Variants in SCAPER observed in about 807,000 individuals in gnomAD.
SCAPER encodes the protein S-phase cyclin A associated protein in the ER, also known as S phase cyclin A-associated protein in the endoplasmic reticulum.
In SCAPER, 98 loss-of-function variants were observed where a neutral mutation model predicts 182.2. The ratio of observed to expected loss-of-function variants is 0.54; its 90% CI spans 0.46 to 0.64. The LOEUF is 0.64. SCAPER is among the 30% of genes least tolerant of loss of function. The probability of loss-of-function intolerance (pLI) is 0.00; values close to 1 mark genes in which losing one functional copy is unlikely to be tolerated. For synonymous variants in SCAPER, 605 were observed against 564.6 expected, an observed-to-expected ratio of 1.07 and a Z score of -1.01; for missense variants, 1,432 against 1,690.0, an observed-to-expected ratio of 0.85 and a Z score of 2.68.
chr15:76,700,022 G>C (rs1015506939), intron 20 of SCAPER, among the ~76,000 whole-genome samples: 1 of 152,196 alleles, frequency 6.6e-6, no homozygotes, highest in African/African-American at 2.4e-5. Context: ...CCGATGGTCA[G>C]GCAGGGTCTC....
At chr15:76,699,964 A>G (rs2058847769) in intron 20 of SCAPER, among the ~76,000 whole-genome samples, 1 of 152,140 alleles carries the variant, frequency 6.6e-6, no homozygotes, top group Non-Finnish European at 1.5e-5. Context: ...TGGTGGGGAG[A>G]GGCTGTGGGT....
intron 29 of SCAPER, among the ~76,000 whole-genome samples, chr15:76,355,525 G>C (rs1411645082): frequency 6.7e-6 from 1 of 149,402 alleles, no homozygotes; most frequent in Non-Finnish European, 1.5e-5. Context: ...AATTTATGAT[G>C]ATATGATTAT....
At chr15:76,775,654 G>GTCAA (rs2063705861) in intron 8 of SCAPER, among the ~76,000 whole-genome samples, 1 of 152,090 alleles carries the variant, frequency 6.6e-6, no homozygotes, top group Admixed American at 6.6e-5. Flanking sequence ...TCCAAAGTCT[G>GTCAA]AGTTCTTTCC....
chr15:76,381,381 AAAAGCAGGCAGATGAAG>A lies in SCAPER; in HGVS notation c.3685_3701del (p.Leu1229SerfsTer30). The stretch of plus-strand genomic sequence containing the variant: ...GATATAAACCAATACTTGGTACCTG[AAAAGCAGGCAGATGAAG>A]AGCTGCAAAGCTGTTGAAGAAACGT... On this transcript the variant is annotated frameshift_variant, in exon 28 of 32. Coordinates refer to ENST00000563290, the MANE Select transcript of SCAPER (RefSeq NM_020843.4). LOFTEE classifies it high-confidence loss of function. 6.2e-7 allele frequency: 1 copy of A among 1,611,982 alleles called. No individual in the cohort carries two copies. The highest frequency in any genetic ancestry group is 8.5e-7 in the Non-Finnish European group (1 of 1,178,770).
At chr15:76,404,294 C>T (rs2957614) in intron 27 of SCAPER, among the ~76,000 whole-genome samples, 98,915 of 151,774 alleles carry the variant, frequency 0.65, 32,469 homozygotes, top group Middle Eastern at 0.71. Flanking sequence ...CTAGCAATGA[C>T]AGTCAAATTT....
At chr15:76,747,673 A>G (rs1203885564) in intron 15 of SCAPER, among the ~76,000 whole-genome samples, 2 of 152,076 alleles carry the variant, frequency 1.3e-5, no homozygotes, top group Admixed American at 1.3e-4. Flanking sequence ...AGTTCCCTCA[A>G]GAGCTGGTTG....
chr15:76,403,369 GAAACACTGAACACAGGCAT>G (rs2044603651), intron 27 of SCAPER, among the ~76,000 whole-genome samples: 1 of 152,180 alleles, frequency 6.6e-6, no homozygotes, highest in African/African-American at 2.4e-5. Flanking sequence ...AGACTAACTT[GAAACACTGAACACAGGCAT>G]GCTTGGCTTC....
intron 20 of SCAPER, among the ~76,000 whole-genome samples, chr15:76,667,430 T>G (rs933337180): frequency 2.0e-5 from 3 of 152,042 alleles, no homozygotes; most frequent in African/African-American, 7.2e-5. Flanking sequence ...ACTCACCTAA[T>G]GCAGTAACTT....
chr15:76,855,786 T>C (rs1403426014), intron 4 of SCAPER: 5 of 367,140 alleles, frequency 1.4e-5, no homozygotes, highest in East Asian at 1.5e-4. Context: ...CTTGGCAAGG[T>C]TGTGGAGATA....
chr15:76,563,332 T>C (rs1052571176), intron 23 of SCAPER, among the ~76,000 whole-genome samples: 1 of 152,094 alleles, frequency 6.6e-6, no homozygotes, highest in East Asian at 1.9e-4. Context: ...GTTTACATAA[T>C]AATAGAAAAT....
intron 24 of SCAPER, among the ~76,000 whole-genome samples, chr15:76,497,349 A>G (rs1473031078): frequency 6.6e-6 from 1 of 152,128 alleles, no homozygotes; most frequent in Non-Finnish European, 1.5e-5. Context: ...GCTGGTCTGT[A>G]GATTGGTTGC....
intron 8 of SCAPER, among the ~76,000 whole-genome samples, chr15:76,790,365 A>T (rs2151443959): frequency 6.6e-6 from 1 of 152,306 alleles, no homozygotes; most frequent in Non-Finnish European, 1.5e-5. Flanking sequence ...TTTCTATAAG[A>T]TTCACGTTAT....
chr15:76,748,304 C>A (rs145566428), intron 15 of SCAPER, among the ~76,000 whole-genome samples: 99 of 152,108 alleles, frequency 6.5e-4, no homozygotes, highest in African/African-American at 2.2e-3. Flanking sequence ...TATGGATATT[C>A]TTATGCAAAA....
At chr15:76,710,934 A>G (rs1392126519) in intron 17 of SCAPER, among the ~76,000 whole-genome samples, 3 of 152,166 alleles carry the variant, frequency 2.0e-5, no homozygotes, top group African/African-American at 7.2e-5. Context: ...TCATTGCATC[A>G]ATGATCAATT....
chr15:76,521,632 C>T (rs1271174231), intron 23 of SCAPER, among the ~76,000 whole-genome samples: 2 of 152,098 alleles, frequency 1.3e-5, no homozygotes, highest in African/African-American at 4.8e-5. Context: ...GTATACAAAG[C>T]TGTTAACAAT....
At position 76,857,793 on chromosome 15, in the gene SCAPER, G is replaced by C. The variant is rs1261214036; in HGVS notation, c.195+16C>G. On this transcript the variant is annotated intron_variant, in intron 4 of 31. Coordinates refer to ENST00000563290, the MANE Select transcript of SCAPER (RefSeq NM_020843.4). ...AAATTAAAAGTAAATAAGTAAAAAA[G>C]TTATAGATGCTGTACCTGTTTAGTA... 1 of 1,467,852 alleles carries C rather than the reference G, an allele frequency of 6.8e-7. No individual in the cohort carries two copies. The highest frequency in any genetic ancestry group is 9.1e-7 in the Non-Finnish European group (1 of 1,094,400). The allele number at this position is 1,467,852 out of a possible 1,614,324, so 90.9% of individuals were successfully genotyped here.
chr15:76,787,073 A>T (rs2064664301), intron 8 of SCAPER, among the ~76,000 whole-genome samples: 1 of 152,228 alleles, frequency 6.6e-6, no homozygotes, highest in Non-Finnish European at 1.5e-5. Context: ...AACTCTCTCT[A>T]AATTGATCCA....
intron 29 of SCAPER, among the ~76,000 whole-genome samples, chr15:76,362,735 T>C (rs1427195694): frequency 6.6e-6 from 1 of 152,184 alleles, no homozygotes; most frequent in Non-Finnish European, 1.5e-5. Flanking sequence ...TTCTCTCTCT[T>C]ATATAATCTA....
chr15:76,371,604 C>T (rs1374823608), intron 29 of SCAPER, among the ~76,000 whole-genome samples: 1 of 151,378 alleles, frequency 6.6e-6, no homozygotes, highest in African/African-American at 2.4e-5. Flanking sequence ...AGGCGTGAGC[C>T]ACCATGCCTG....
Sources: gnomAD v4.1 joint callset for allele counts (sites outside exome capture counted in the v4.1 genomes callset) on GRCh38, gnomAD v4.1.1 for gene constraint, MANE v1.5 for transcripts, NCBI Gene and HGNC (gene_info 2026-07-23, HGNC 2026-07-21) for gene names.